The following GRID1 variants were observed in gnomAD, a reference collection of about 807,000 sequenced individuals.
The protein encoded by GRID1 is glutamate receptor ionotropic, delta-1.
Under a neutral mutation model 98.0 loss-of-function variants are expected in GRID1, and 28 were observed. The ratio of observed to expected loss-of-function variants is 0.29; its 90% CI spans 0.21 to 0.39. GRID1 has a LOEUF of 0.39. Ranked by LOEUF, GRID1 falls within the 10% of genes least tolerant of loss-of-function variation. The pLI is 1.00. For synonymous variants in GRID1, 553 were observed against 538.5 expected, an observed-to-expected ratio of 1.03 and a Z score of -0.37; for missense variants, 1,111 against 1,340.5, an observed-to-expected ratio of 0.83 and a Z score of 2.67.
intron 12 of GRID1, among the ~76,000 whole-genome samples, chr10:85,666,236 A>G (rs1029626582): frequency 2.6e-5 from 4 of 152,216 alleles, no homozygotes; most frequent in Admixed American, 2.6e-4. Context: ...ATGGTTAGTC[A>G]ATGTCTCAGC....
At chr10:85,731,149 C>A (rs991948028) in intron 8 of GRID1, among the ~76,000 whole-genome samples, 2 of 152,076 alleles carry the variant, frequency 1.3e-5, no homozygotes, top group Non-Finnish European at 2.9e-5. Flanking sequence ...GAAGAGACAA[C>A]AACTCTGAGA....
intron 2 of GRID1, among the ~76,000 whole-genome samples, chr10:86,318,057 T>C (rs954457848): frequency 1.3e-5 from 2 of 152,252 alleles, no homozygotes; most frequent in Non-Finnish European, 2.9e-5. Context: ...CTTTGACTTA[T>C]ATAGACTGAA....
rs147768632 is a variant in GRID1 at position 85,875,995 on chromosome 10, G to C, written c.781-6815C>G. ...TTGGTGATAAACTCAGTTTTTGTTT[G>C]CTGGGAAATGCCTTTATTTTTATCT... On this transcript the variant is annotated intron_variant, in intron 5 of 15. Transcript: ENST00000327946. 2.7e-4 allele frequency among the ~76,000 whole-genome samples: 41 copies of C among 152,202 alleles called. No individual in the cohort carries two copies. In the East Asian group the frequency reaches 6.6e-3, roughly 24 times the overall value.
intron 13 of GRID1, among the ~76,000 whole-genome samples, chr10:85,641,678 G>A (rs1843120286): frequency 2.6e-5 from 4 of 152,346 alleles, no homozygotes; most frequent in Middle Eastern, 3.4e-3. Flanking sequence ...CAAGTAGTCG[G>A]TTTCAGATGA....
intron 4 of GRID1, among the ~76,000 whole-genome samples, chr10:85,962,807 C>T (rs534839505): frequency 2.6e-5 from 4 of 152,198 alleles, no homozygotes; most frequent in African/African-American, 9.6e-5. Flanking sequence ...TCCTTTCTTC[C>T]TAACCCTCTA....
intron 12 of GRID1, among the ~76,000 whole-genome samples, chr10:85,719,567 A>C (rs1841677016): frequency 6.6e-6 from 1 of 152,190 alleles, no homozygotes; most frequent in African/African-American, 2.4e-5. Flanking sequence ...CCCCTGATAA[A>C]CCCACATCAG....
intron 4 of GRID1, among the ~76,000 whole-genome samples, chr10:85,939,506 A>G (rs1234243402): frequency 6.6e-6 from 1 of 152,004 alleles, no homozygotes; most frequent in African/African-American, 2.4e-5. Context: ...CAACTTCTAG[A>G]AGCCACTCTC....
intron 4 of GRID1, among the ~76,000 whole-genome samples, chr10:85,931,780 C>A (rs1349456687): frequency 6.6e-6 from 1 of 152,064 alleles, no homozygotes; most frequent in Admixed American, 6.5e-5. Flanking sequence ...CTTAATTGTC[C>A]TTTCATGTTT....
chr10:86,083,834 A>C (rs1171693354), intron 4 of GRID1, among the ~76,000 whole-genome samples: 2 of 152,084 alleles, frequency 1.3e-5, no homozygotes, highest in African/African-American at 4.8e-5. Context: ...GTGCACACCA[A>C]ACTCCAGTTC....
chr10:85,949,039 T>C (rs914868205), intron 4 of GRID1, among the ~76,000 whole-genome samples: 1 of 152,024 alleles, frequency 6.6e-6, no homozygotes, highest in Non-Finnish European at 1.5e-5. Context: ...GATGCTTAAA[T>C]TTGGGTGGAG....
Position 85,827,890 on chromosome 10 carries a change from T to C in GRID1, c.1233+26606A>G, listed in dbSNP as rs201907863. Among the ~76,000 whole-genome samples, 33 of 152,252 alleles carry C rather than the reference T, an allele frequency of 2.2e-4. No individual in the cohort carries two copies. The East Asian group carries it at 5.8e-3, about 27-fold the overall frequency. On this transcript the variant is annotated intron_variant, in intron 8 of 15. Transcript: ENST00000327946. The stretch of plus-strand genomic sequence containing the variant: ...TCGACAGATCGTCAAGGCAGAAAAC[T>C]AATGAAGACATTCAGGACTTGAACT...
intron 8 of GRID1, among the ~76,000 whole-genome samples, chr10:85,788,019 A>T (rs1266172708): frequency 1.3e-5 from 2 of 151,470 alleles, no homozygotes; most frequent in East Asian, 3.9e-4. Context: ...GGATCTGCTA[A>T]CTCATCGGTC....
rs754921053 is a variant in GRID1, at chr10:85,723,052, C to T, written c.1948G>A (p.Ala650Thr). 1 of 1,612,502 alleles carries T rather than the reference C, an allele frequency of 6.2e-7. No homozygotes were observed. Among genetic ancestry groups the T allele is most frequent in the Non-Finnish European group, 8.5e-7 (1 of 1,179,320 alleles). ...ACTGTGAGGAAGGCAGCAAGGTTGG[C>T]TGTGTAGGAGGAGCACACAATGAGC... ...FTLIVCSSYTANLAAFLTVSR... is the reference protein window; with the variant it reads ...FTLIVCSSYTTNLAAFLTVSR... The change falls in exon 12 of 16, where the codon GCC becomes ACC. Residue 650 changes from alanine (A) to threonine (T), a missense_variant. Ala to Thr is a moderately conservative substitution (Grantham distance 58). Coordinates refer to ENST00000327946, the MANE Select transcript of GRID1 (RefSeq NM_017551.3).
At chr10:85,695,841 A>C (rs529009033) in intron 12 of GRID1, among the ~76,000 whole-genome samples, 23 of 152,274 alleles carry the variant, frequency 1.5e-4, no homozygotes, top group Admixed American at 3.3e-4. Context: ...AACCCAAGGA[A>C]TAGGGAGCAC....
chr10:85,902,202 T>C (rs1187899333), intron 5 of GRID1, among the ~76,000 whole-genome samples: 4 of 152,200 alleles, frequency 2.6e-5, no homozygotes, highest in African/African-American at 4.8e-5. Flanking sequence ...CCAAACCCTA[T>C]ATATACTATA....
chr10:85,647,244 C>T lies in GRID1; in HGVS notation c.2151G>A (p.Gly717=), dbSNP rs758269903. The T allele has an allele frequency of 6.2e-7, 1 of 1,614,226 alleles. No homozygotes were observed. The highest frequency in any genetic ancestry group is 8.5e-7 in the Non-Finnish European group (1 of 1,180,036). ...ELWRTISKNG[G]ADNCVSSPSE... is the part of the protein sequence containing the mutation. The stretch of plus-strand genomic sequence containing the variant: ...AAGGACTGGACACGCAGTTGTCAGC[C>T]CCTCCGTTCTTGCTGATGGTCCGCC... Residue 717 remains glycine (G), a synonymous_variant, in exon 13 of 16, where the codon GGG becomes GGA. Coordinates refer to ENST00000327946, the MANE Select transcript of GRID1 (RefSeq NM_017551.3).
chr10:85,750,831 A>G (rs551824796), intron 8 of GRID1, among the ~76,000 whole-genome samples: 1 of 152,292 alleles, frequency 6.6e-6, no homozygotes, highest in South Asian at 2.1e-4. Flanking sequence ...GCCAAAACAA[A>G]CAAAAAAGGA....
At chr10:85,730,636 T>C (rs59584633) in intron 8 of GRID1, among the ~76,000 whole-genome samples, 9,071 of 152,190 alleles carry the variant, frequency 0.06, 510 homozygotes, top group African/African-American at 0.15. Context: ...AGTTGGGCCT[T>C]ACCCCCAGAG....
chr10:86,153,003 G>C lies in GRID1; in HGVS notation c.521-13979C>G, dbSNP rs970141184. Among the ~76,000 whole-genome samples, 4 of 152,210 alleles carry C rather than the reference G, an allele frequency of 2.6e-5. No individual in the cohort carries two copies. In the South Asian group the frequency reaches 6.2e-4, roughly 24 times the overall value. On this transcript the variant is annotated intron_variant, in intron 3 of 15. Coordinates refer to ENST00000327946, the MANE Select transcript of GRID1 (RefSeq NM_017551.3). The stretch of plus-strand genomic sequence containing the variant: ...GTCTTTGAAGGGACAGTGGCAACCA[G>C]AGCCAGAAGTGAAGCCACAGCAAGG...
Sources: gnomAD v4.1 joint callset for allele counts (sites outside exome capture counted in the v4.1 genomes callset) on GRCh38, gnomAD v4.1.1 for gene constraint, MANE v1.5 for transcripts, NCBI Gene and HGNC (gene_info 2026-07-23, HGNC 2026-07-21) for gene names.